The following NCAPG2 variants were observed in gnomAD, a reference collection of about 807,000 sequenced individuals.
The protein encoded by NCAPG2 is non-SMC condensin II complex subunit G2, also known as condensin-2 complex subunit G2.
In NCAPG2, 53 loss-of-function variants were observed where a neutral mutation model predicts 141.1. The ratio of observed to expected loss-of-function variants is 0.38; its 90% CI spans 0.30 to 0.47. The LOEUF (loss-of-function observed/expected upper bound fraction) is 0.47. Ranked by LOEUF, NCAPG2 falls within the 20% of genes least tolerant of loss-of-function variation. NCAPG2 has a pLI of 0.99. For missense variants in NCAPG2, 1,087 were observed against 1,389.0 expected, an observed-to-expected ratio of 0.78 and a Z score of 3.46; for synonymous variants, 499 against 490.7, an observed-to-expected ratio of 1.02 and a Z score of -0.22.
chr7:158,669,156 T>C (rs1833510302), intron 13 of NCAPG2, among the ~76,000 whole-genome samples: 1 of 152,248 alleles, frequency 6.6e-6, no homozygotes, highest in Non-Finnish European at 1.5e-5. Flanking sequence ...ACATTTTCTT[T>C]ATCCAGTCTA....
intron 4 of NCAPG2, 141 bp from the exon 5 acceptor site, chr7:158,690,863 G>C (rs1020048948): frequency 1.4e-6 from 1 of 707,216 alleles, no homozygotes; most frequent in African/African-American, 1.8e-5. Context: ...ACTTGCCAAA[G>C]ATTTATATAC....
intron 25 of NCAPG2, among the ~76,000 whole-genome samples, chr7:158,646,127 T>C (rs1021464697): frequency 1.3e-5 from 2 of 152,204 alleles, no homozygotes; most frequent in South Asian, 2.1e-4. Flanking sequence ...TTTAACCTTG[T>C]CAAGTGTTTT....
intron 27 of NCAPG2, 104 bp from the exon 28 acceptor site, chr7:158,631,821 T>C (rs1829908181): frequency 1.1e-6 from 1 of 893,626 alleles, no homozygotes; most frequent in Non-Finnish European, 1.8e-6. Flanking sequence ...CAACCATGCA[T>C]TTAAAAACAA....
In NCAPG2 at chr7:158,683,352, A is replaced by T; in HGVS notation, c.872T>A (p.Phe291Tyr). ...IENDCIQDFM[F>Y]HGIHLPRRSP... is the part of the protein sequence containing the mutation. ...CCTCCTCGGAAGGTGTATCCCGTGG[A>T]ACATGAAGTCCTGGATGCAATCATT... Residue 291 changes from phenylalanine (F) to tyrosine (Y), a missense_variant, in exon 9 of 28, where the codon TTC (phenylalanine) becomes TAC (tyrosine). Phe to Tyr is a conservative substitution (Grantham distance 22, BLOSUM62 3). Transcript: ENST00000356309. 6.2e-7 allele frequency: 1 copy of T among 1,607,172 alleles called. No homozygotes were observed. Among genetic ancestry groups the T allele is most frequent in the Non-Finnish European group, 8.5e-7 (1 of 1,177,318 alleles).
intron 2 of NCAPG2, among the ~76,000 whole-genome samples, chr7:158,698,197 A>T (rs901458008): frequency 9.6e-4 from 146 of 152,346 alleles, no homozygotes; most frequent in African/African-American, 3.4e-3. Context: ...AAAGGATTTT[A>T]AAAGTTTATC....
intron 27 of NCAPG2, chr7:158,640,086 C>A (rs1439399372): frequency 6.7e-6 from 1 of 149,308 alleles, no homozygotes; most frequent in East Asian, 1.9e-4. Flanking sequence ...GAAAACTACA[C>A]CTAGGCATAT....
At chr7:158,675,181 C>G (rs1323767251) in intron 12 of NCAPG2, among the ~76,000 whole-genome samples, 1 of 152,162 alleles carries the variant, frequency 6.6e-6, no homozygotes, top group Middle Eastern at 3.2e-3. Context: ...GTACAAGATT[C>G]TATGCAAAGC....
intron 21 of NCAPG2, 60 bp downstream of exon 21, chr7:158,655,058 A>C (rs1311181419): frequency 1.3e-6 from 2 of 1,512,084 alleles, no homozygotes; most frequent in Non-Finnish European, 1.8e-6. Flanking sequence ...TAGAAAATGA[A>C]ATCCTGAAAC....
At chr7:158,690,293 AT>A (rs1483177552) in intron 5 of NCAPG2, among the ~76,000 whole-genome samples, 1 of 152,164 alleles carries the variant, frequency 6.6e-6, no homozygotes, top group East Asian at 1.9e-4. Flanking sequence ...GAGGAACTGA[AT>A]TTTTCATTAT....
rs117251113 is a variant in NCAPG2 at position 158,667,136 on chromosome 7, C to T, written c.1480-2386G>A. ...ATTAGCTTGCATGCTCGTCACAAACCTTTCCAGACACCTCACAACCAAATG... is the reference window on the plus strand; with the variant it reads ...ATTAGCTTGCATGCTCGTCACAAACTTTTCCAGACACCTCACAACCAAATG... On this transcript the variant is annotated intron_variant, in intron 13 of 27. Transcript: ENST00000356309. The T allele has an allele frequency of 8.2e-3, 8,100 of 985,280 alleles. 56 individuals are homozygous for T. The highest frequency in any genetic ancestry group is 9.0e-3 in the Non-Finnish European group (7,469 of 829,798). 61.0% of individuals were successfully genotyped at this position (985,280 alleles called of 1,614,324 possible). A position where few individuals can be genotyped will look rare whatever the true frequency, so the allele number is the denominator to read the frequency against.
At chr7:158,648,845 C>T (rs982751572) in intron 24 of NCAPG2, among the ~76,000 whole-genome samples, 1 of 151,832 alleles carries the variant, frequency 6.6e-6, no homozygotes, top group Non-Finnish European at 1.5e-5. Flanking sequence ...ACTACAACCA[C>T]GGCAAATGGA....
At chr7:158,648,606 G>A (rs1238019410) in intron 24 of NCAPG2, among the ~76,000 whole-genome samples, 4 of 93,082 alleles carry the variant, frequency 4.3e-5, no homozygotes, top group African/African-American at 1.5e-4. Flanking sequence ...CGACAACCAC[G>A]CCAAATGGAC....
chr7:158,697,931 A>C (rs997217706), intron 2 of NCAPG2, among the ~76,000 whole-genome samples: 2 of 152,158 alleles, frequency 1.3e-5, no homozygotes, highest in East Asian at 3.8e-4. Context: ...ACACTGGCCT[A>C]TTGGAGGGTA....
At chr7:158,657,693 G>A (rs12670222) in intron 17 of NCAPG2, among the ~76,000 whole-genome samples, 5 of 152,020 alleles carry the variant, frequency 3.3e-5, no homozygotes, top group African/African-American at 4.8e-5. Flanking sequence ...TGACAATGGC[G>A]GTTTTGTGGA....
intron 11 of NCAPG2, among the ~76,000 whole-genome samples, chr7:158,678,745 A>G (rs1334574061): frequency 1.4e-5 from 2 of 147,926 alleles, no homozygotes; most frequent in South Asian, 2.2e-4. Flanking sequence ...AAAAAAAAAA[A>G]GGAATTGTAG....
intron 8 of NCAPG2, among the ~76,000 whole-genome samples, chr7:158,684,325 C>A (rs1326377379): frequency 3.3e-5 from 5 of 152,136 alleles, no homozygotes; most frequent in African/African-American, 4.8e-5. Context: ...TCCTCACATG[C>A]CAATGGCATA....
chr7:158,681,075 T>C (rs1411707856), intron 9 of NCAPG2, among the ~76,000 whole-genome samples: 5 of 152,152 alleles, frequency 3.3e-5, no homozygotes, highest in African/African-American at 1.2e-4. Flanking sequence ...ATGGTTTGGG[T>C]TCTAGTTTCT....
In NCAPG2 at chr7:158,672,428, T is replaced by C. The variant is rs551808252; in HGVS notation, c.1327-762A>G. Among the ~76,000 whole-genome samples the C allele has an allele frequency of 2.1e-3, 293 of 136,938 alleles. 1 individual carries two copies. The highest frequency in any genetic ancestry group is 0.017 in the Middle Eastern group (4 of 232). The allele number at this position is 136,938 out of a possible 152,430, so 89.8% of individuals were successfully genotyped here. A position where few individuals can be genotyped will look rare whatever the true frequency, so the allele number is the denominator to read the frequency against. On this transcript the variant is annotated intron_variant, in intron 12 of 27. Transcript: ENST00000356309. ...CACAATCTTGGTTCACTGCAAGCTC[T>C]GCCTCCCGGGTTCATGCCATTCTCC...
At chr7:158,699,495 C>T (rs939950652) in intron 2 of NCAPG2, among the ~76,000 whole-genome samples, 2 of 152,172 alleles carry the variant, frequency 1.3e-5, no homozygotes, top group African/African-American at 4.8e-5. Flanking sequence ...ACCAGGATCC[C>T]ATGAAACACA....
Sources: gnomAD v4.1 joint callset for allele counts (sites outside exome capture counted in the v4.1 genomes callset) on GRCh38, gnomAD v4.1.1 for gene constraint, MANE v1.5 for transcripts, NCBI Gene and HGNC (gene_info 2026-07-23, HGNC 2026-07-21) for gene names.